The following PLCH2 variants were observed in gnomAD, a reference collection of about 807,000 sequenced individuals.
The protein encoded by PLCH2 is 1-phosphatidylinositol 4,5-bisphosphate phosphodiesterase eta-2.
In PLCH2, 98 loss-of-function variants were observed where a neutral mutation model predicts 134.7. The ratio of observed to expected loss-of-function variants is 0.73; its 90% CI spans 0.62 to 0.86. PLCH2 has a LOEUF of 0.86. PLCH2 is among the 40% of genes least tolerant of loss of function. The probability of loss-of-function intolerance (pLI) is 0.00; values close to 1 mark genes in which losing one functional copy is unlikely to be tolerated. For synonymous variants in PLCH2, 974 were observed against 827.5 expected (o/e 1.18, Z -3.04); for missense variants, 1,994 against 1,986.6 (o/e 1.00, Z -0.07).
the PLCH2 span, among the ~76,000 whole-genome samples, chr1:2,419,823 G>C: frequency 2.0e-5 from 3 of 152,090 alleles, no homozygotes; most frequent in African/African-American, 7.2e-5. Context: ...TTAATCTGAA[G>C]CTGTCCGTAG....
upstream of PLCH2, among the ~76,000 whole-genome samples, chr1:2,474,100 GC>G (rs1225862571): frequency 6.6e-6 from 1 of 151,914 alleles, no homozygotes; most frequent in African/African-American, 2.4e-5. Flanking sequence ...GAGCATGAGG[GC>G]CCGTCAGTGC....
At chr1:2,465,075 C>T (rs1284196986), upstream of PLCH2, among the ~76,000 whole-genome samples, 1 of 152,186 alleles carries the variant, frequency 6.6e-6, no homozygotes, top group Non-Finnish European at 1.5e-5. Context: ...ATCAAGGAAA[C>T]TGAGGCACAG....
chr1:2,438,464 C>T (rs1207493302), intron 2 of PLCH2, among the ~76,000 whole-genome samples: 1 of 152,166 alleles, frequency 6.6e-6, no homozygotes, highest in African/African-American at 2.4e-5. Flanking sequence ...GTACTGTCTC[C>T]CATGCCCCTG....
chr1:2,503,577 C>G, intron 21 of PLCH2: 1 of 688,048 alleles, frequency 1.5e-6, no homozygotes. Flanking sequence ...CCCCCCTGAC[C>G]AAGCTTTCCT....
intron 2 of PLCH2, among the ~76,000 whole-genome samples, chr1:2,454,478 G>A (rs774213261): frequency 2.0e-5 from 3 of 152,190 alleles, no homozygotes; most frequent in Non-Finnish European, 2.9e-5. Flanking sequence ...AGGATGGTCT[G>A]TGGAGGCTCA....
At chr1:2,451,412 G>A (rs1640219796) in intron 2 of PLCH2, among the ~76,000 whole-genome samples, 1 of 152,212 alleles carries the variant, frequency 6.6e-6, no homozygotes, top group African/African-American at 2.4e-5. Flanking sequence ...GCGTTTCTGG[G>A]CTGTACAGAT....
At chr1:2,457,902 T>A (rs1640574011) in intron 2 of PLCH2, among the ~76,000 whole-genome samples, 1 of 149,248 alleles carries the variant, frequency 6.7e-6, no homozygotes, top group Non-Finnish European at 1.5e-5. Flanking sequence ...AAAAAGCATT[T>A]GCCAGCATAG....
chr1:2,454,033 G>A (rs541500082), intron 2 of PLCH2, among the ~76,000 whole-genome samples: 53 of 152,240 alleles, frequency 3.5e-4, no homozygotes, highest in South Asian at 1.2e-3. Flanking sequence ...GTGGGGTTCC[G>A]GGGGTGCCGC....
the PLCH2 span, among the ~76,000 whole-genome samples, chr1:2,419,971 C>A: frequency 4.6e-3 from 633 of 137,212 alleles, 2 homozygotes; most frequent in African/African-American, 0.014. Context: ...GTCCCCCCCC[C>A]ACCCCCAGGC....
At chr1:2,494,694 A>G (rs1642778954) in intron 11 of PLCH2, among the ~76,000 whole-genome samples, 162 bp from the exon 12 acceptor site, 1 of 151,990 alleles carries the variant, frequency 6.6e-6, no homozygotes, top group Admixed American at 6.5e-5. Flanking sequence ...GGGCTCCCCA[A>G]CCTGTCCCCG....
At chr1:2,422,235 C>T (rs895770932), upstream of PLCH2, among the ~76,000 whole-genome samples, 1 of 152,122 alleles carries the variant, frequency 6.6e-6, no homozygotes, top group Non-Finnish European at 1.5e-5. Flanking sequence ...CGCCAGTGCA[C>T]TCCAGCCTGG....
At chr1:2,459,706 TTCCTTTCCGGTGGTCC>T (rs1557970656) in intron 2 of PLCH2, among the ~76,000 whole-genome samples, 1 of 146,758 alleles carries the variant, frequency 6.8e-6, no homozygotes, top group Non-Finnish European at 1.5e-5. Flanking sequence ...TCCGGTGGTC[TTCCTTTCCGGTGGTCC>T]TCCTTGCCTG....
chr1:2,455,138 G>C (rs1640428770), intron 2 of PLCH2, among the ~76,000 whole-genome samples: 1 of 152,204 alleles, frequency 6.6e-6, no homozygotes, highest in African/African-American at 2.4e-5. Context: ...CCTTACCCTT[G>C]AGACCATGCT....
At chr1:2,470,034 T>C (rs145165360) in intron 1 of PLCH2, among the ~76,000 whole-genome samples, 1,996 of 152,290 alleles carry the variant, frequency 0.013, 44 homozygotes, top group African/African-American at 0.046. Flanking sequence ...GGAGGCTCTT[T>C]CAGCAGGCAG....
chr1:2,469,544 G>A (rs373219490), intron 1 of PLCH2, among the ~76,000 whole-genome samples: 3 of 152,304 alleles, frequency 2.0e-5, no homozygotes, highest in East Asian at 3.9e-4. Context: ...CCATGGGCTG[G>A]CCCTGCCCGG....
chr1:2,435,507 C>G (rs1041654699), intron 2 of PLCH2, among the ~76,000 whole-genome samples: 2 of 151,876 alleles, frequency 1.3e-5, no homozygotes, highest in Non-Finnish European at 2.9e-5. Flanking sequence ...GTTAGTGAGG[C>G]GGGGATAGCA....
At chr1:2,421,531 G>A (rs1261757760), upstream of PLCH2, among the ~76,000 whole-genome samples, 1 of 152,210 alleles carries the variant, frequency 6.6e-6, no homozygotes, top group East Asian at 1.9e-4. Flanking sequence ...TCTGGGTGCA[G>A]TCTGTGTGTG....
chr1:2,484,880 G>T (rs1642208204), intron 5 of PLCH2, among the ~76,000 whole-genome samples: 2 of 152,312 alleles, frequency 1.3e-5, no homozygotes, highest in South Asian at 2.1e-4. Context: ...CAGCCAAGCA[G>T]GTAGGGAAAG....
Position 2,502,112 on chromosome 1 carries a change from G to A in PLCH2, c.2662G>A (p.Val888Ile), listed in dbSNP as rs1351423417. 3 of 1,436,212 alleles carry A rather than the reference G, an allele frequency of 2.1e-6. No homozygotes were observed. The highest frequency in any genetic ancestry group is 2.7e-6 in the Non-Finnish European group (3 of 1,098,782). The allele number at this position is 1,436,212 out of a possible 1,614,324, so 89.0% of individuals were successfully genotyped here. A position where few individuals can be genotyped will look rare whatever the true frequency, so the allele number is the denominator to read the frequency against. ...GCTACATGGGCTCCTTCTCTTGCAG[G>A]TCAAGCAGGCTCTGGGCCTAAAAGG... The part of the protein sequence containing the change: ...HVAVSDISGK[V>I]KQALGLKGLF... Residue 888 changes from valine (V) to isoleucine (I), a missense_variant and splice_region_variant, in exon 21 of 22, where the codon GTC (valine) becomes ATC (isoleucine). Physicochemically the swap from Val to Ile is conservative, Grantham distance 29 (BLOSUM62 3). Transcript: ENST00000378486.
Sources: allele counts gnomAD v4.1 joint callset (sites outside exome capture counted in the v4.1 genomes callset), GRCh38; gene constraint gnomAD v4.1.1; transcripts MANE v1.5; gene names NCBI Gene and HGNC (gene_info 2026-07-23, HGNC 2026-07-21).